Variants in PXDNL observed in about 807,000 individuals in gnomAD.
PXDNL encodes probable oxidoreductase PXDNL.
PXDNL carries 145 observed loss-of-function variants against 150.8 expected under a neutral mutation model. The ratio of observed to expected loss-of-function variants is 0.96; its 90% CI spans 0.84 to 1.10. The LOEUF is 1.10. PXDNL is among the 50% of genes least tolerant of loss of function. The pLI, the probability that PXDNL is intolerant of heterozygous loss-of-function variation, is 0.00. For synonymous variants in PXDNL, 757 were observed against 725.7 expected (o/e 1.04, Z -0.69); for missense variants, 2,087 against 1,873.9 (o/e 1.11, Z -2.10).
intron 4 of PXDNL, among the ~76,000 whole-genome samples, chr8:51,554,772 C>T (rs1304562603): frequency 6.6e-6 from 1 of 152,220 alleles, no homozygotes; most frequent in Admixed American, 6.5e-5. Context: ...AAGACCCCAT[C>T]AGAATTGCCT....
intron 2 of PXDNL, among the ~76,000 whole-genome samples, chr8:51,607,060 A>T (rs1167497216): frequency 6.6e-6 from 1 of 152,162 alleles, no homozygotes; most frequent in East Asian, 1.9e-4. Flanking sequence ...TTTTTTTCTG[A>T]TACAATAATG....
chr8:51,336,774 C>T (rs1247435994), intron 21 of PXDNL, among the ~76,000 whole-genome samples: 1 of 152,174 alleles, frequency 6.6e-6, no homozygotes, highest in Non-Finnish European at 1.5e-5. Context: ...GCATTTGCTA[C>T]ATGTCACTCA....
At chr8:51,723,782 AG>A (rs1816774114) in intron 1 of PXDNL, among the ~76,000 whole-genome samples, 1 of 152,116 alleles carries the variant, frequency 6.6e-6, no homozygotes, top group African/African-American at 2.4e-5. Flanking sequence ...TGAAAACATT[AG>A]GCAGGGAGGG....
At chr8:51,495,520 G>C (rs1196702298) in intron 5 of PXDNL, among the ~76,000 whole-genome samples, 21 of 152,070 alleles carry the variant, frequency 1.4e-4, no homozygotes, top group Non-Finnish European at 2.9e-5. Context: ...CAACAAAATT[G>C]ATAGACCGCT....
At chr8:51,539,643 AG>A (rs1437504769) in intron 4 of PXDNL, among the ~76,000 whole-genome samples, 2 of 152,192 alleles carry the variant, frequency 1.3e-5, no homozygotes, top group Admixed American at 1.3e-4. Flanking sequence ...TTTCTTTAAA[AG>A]ATTTAGTTAT....
chr8:51,408,960 G>T lies in PXDNL; in HGVS notation c.2664C>A (p.Asn888Lys), dbSNP rs972070433. ...VDSVYAREQI[N>K]QQTAYIDGSN... is the part of the protein sequence containing the mutation. ...AGCCATCGATGTAGGCTGTTTGCTG[G>T]TTGATCTGCTCTCGTGCATAGACTG... Residue 888 changes from asparagine (N) to lysine (K), a missense_variant, in exon 17 of 23, where the codon AAC becomes AAA. Physicochemically the swap from Asn to Lys is moderately conservative, Grantham distance 94 (BLOSUM62 0). Coordinates refer to ENST00000356297, the MANE Select transcript of PXDNL (RefSeq NM_144651.5). 1.2e-6 allele frequency: 2 copies of T among 1,612,686 alleles called. No homozygotes were observed. Among genetic ancestry groups the T allele is most frequent in the Non-Finnish European group, 1.7e-6 (2 of 1,179,874 alleles).
chr8:51,805,453 G>GAT (rs1041286595), intron 1 of PXDNL, among the ~76,000 whole-genome samples: 127 of 147,722 alleles, frequency 8.6e-4, no homozygotes, highest in Non-Finnish European at 1.4e-3. Context: ...TATACAAAAT[G>GAT]ATATATATAT....
At chr8:51,734,799 A>G (rs912092187) in intron 1 of PXDNL, among the ~76,000 whole-genome samples, 1 of 152,246 alleles carries the variant, frequency 6.6e-6, no homozygotes, top group African/African-American at 2.4e-5. Context: ...AATATTACAT[A>G]GCAAAATTAG....
chr8:51,323,140 T>C (rs1816630), intron 21 of PXDNL, among the ~76,000 whole-genome samples: 51,215 of 152,062 alleles, frequency 0.34, 10,315 homozygotes, highest in African/African-American at 0.56. Context: ...GACTAGGACA[T>C]ATAGAAAACT....
Position 51,411,235 on chromosome 8 carries a change from G to T in PXDNL, c.2062+15C>A. On this transcript the variant is annotated intron_variant, in intron 16 of 22. Coordinates refer to ENST00000356297, the MANE Select transcript of PXDNL (RefSeq NM_144651.5). ...GTGGGCAGTAGGCTGAGAATAAAATGGCTTTGTGGCTGACCTTTGCCTTCC... is the reference window on the plus strand; with the variant it reads ...GTGGGCAGTAGGCTGAGAATAAAATTGCTTTGTGGCTGACCTTTGCCTTCC... The T allele has an allele frequency of 7.0e-7, 1 of 1,426,822 alleles. No individual in the cohort carries two copies. Among genetic ancestry groups the T allele is most frequent in the Non-Finnish European group, 9.2e-7 (1 of 1,087,276 alleles). The allele number at this position is 1,426,822 out of a possible 1,614,324, so 88.4% of individuals were successfully genotyped here.
intron 12 of PXDNL, among the ~76,000 whole-genome samples, chr8:51,434,325 T>A (rs184433721): frequency 3.8e-4 from 58 of 152,356 alleles, no homozygotes; most frequent in Non-Finnish European, 1.9e-4. Context: ...TGCTCAAATG[T>A]CATGTCCTTC....
At chr8:51,609,454 C>T (rs1585618950) in intron 2 of PXDNL, among the ~76,000 whole-genome samples, 1 of 152,200 alleles carries the variant, frequency 6.6e-6, no homozygotes, top group South Asian at 2.1e-4. Flanking sequence ...CCTTTGGGGC[C>T]ACATAATTCC....
intron 4 of PXDNL, among the ~76,000 whole-genome samples, chr8:51,511,449 G>A (rs1811416086): frequency 6.6e-6 from 1 of 152,220 alleles, no homozygotes. Flanking sequence ...GACTCCCAGT[G>A]CAGGCCTCTT....
chr8:51,632,200 A>C (rs752243919), intron 2 of PXDNL, among the ~76,000 whole-genome samples: 1 of 152,232 alleles, frequency 6.6e-6, no homozygotes, highest in Non-Finnish European at 1.5e-5. Context: ...GGAGACTCCA[A>C]TACCCTACTT....
chr8:51,586,942 T>A (rs1295466407), intron 3 of PXDNL, among the ~76,000 whole-genome samples: 3 of 152,246 alleles, frequency 2.0e-5, no homozygotes, highest in Non-Finnish European at 4.4e-5. Context: ...ATTTCCTCTT[T>A]AAATGCTAGC....
chr8:51,744,071 AAGGAAGGAAG>A lies in PXDNL; in HGVS notation c.164+65100_164+65109del, dbSNP rs1563307137. On this transcript the variant is annotated intron_variant, in intron 1 of 22. Transcript: ENST00000356297. ...GAAGGAAGGAAGGAAGGAAGGAAGG[AAGGAAGGAAG>A]GAAGGAAGGAAGGAAAGAAAGAAAG... Among the ~76,000 whole-genome samples the A allele has an allele frequency of 3.0e-3, 217 of 73,486 alleles. 7 individuals carry two copies. The highest frequency in any genetic ancestry group is 6.2e-3 in the African/African-American group (99 of 16,084). 48.2% of individuals were successfully genotyped at this position (73,486 alleles called of 152,430 possible).
At chr8:51,446,374 T>G (rs1809672426) in intron 12 of PXDNL, among the ~76,000 whole-genome samples, 1 of 152,216 alleles carries the variant, frequency 6.6e-6, no homozygotes, top group Non-Finnish European at 1.5e-5. Context: ...GTAATTAAGT[T>G]CCATCATTTC....
At chr8:51,437,099 A>C (rs1168339054) in intron 12 of PXDNL, among the ~76,000 whole-genome samples, 2 of 152,214 alleles carry the variant, frequency 1.3e-5, no homozygotes, top group Non-Finnish European at 2.9e-5. Context: ...GAAAACCTAG[A>C]GGAGATGGAT....
chr8:51,498,724 G>A (rs1343123121), intron 5 of PXDNL, among the ~76,000 whole-genome samples: 1 of 152,124 alleles, frequency 6.6e-6, no homozygotes, highest in Non-Finnish European at 1.5e-5. Flanking sequence ...GGCTCCTCCT[G>A]CCATTTCCAA....
Sources: allele counts gnomAD v4.1 joint callset (sites outside exome capture counted in the v4.1 genomes callset), GRCh38; gene constraint gnomAD v4.1.1; transcripts MANE v1.5; gene names NCBI Gene and HGNC (gene_info 2026-07-23, HGNC 2026-07-21).